Variants in CNTN5 observed in about 807,000 individuals in gnomAD.
CNTN5 encodes contactin 5.
A neutral mutation model predicts 129.1 loss-of-function variants in CNTN5; 77 were observed. The ratio of observed to expected loss-of-function variants is 0.60; its 90% CI spans 0.50 to 0.72. The LOEUF is 0.72. CNTN5 is among the 30% of genes least tolerant of loss of function. The pLI, the probability that CNTN5 is intolerant of heterozygous loss-of-function variation, is 0.00. For synonymous variants in CNTN5, 509 were observed against 465.6 expected (o/e 1.09, Z -1.20); for missense variants, 1,478 against 1,328.8 (o/e 1.11, Z -1.75).
intron 3 of CNTN5, among the ~76,000 whole-genome samples, chr11:99,753,602 A>G (rs1944309251): frequency 6.8e-6 from 1 of 146,960 alleles, no homozygotes; most frequent in Non-Finnish European, 1.5e-5. Context: ...AAACTATCTC[A>G]GCAGCTCACA....
At position 99,703,254 on chromosome 11, in the gene CNTN5, A is replaced by G. The variant is rs777820964; in HGVS notation, c.56-116290A>G. 1.4e-4 allele frequency among the ~76,000 whole-genome samples: 10 copies of G among 69,762 alleles called. No individual in the cohort carries two copies. In the East Asian group the frequency reaches 4.7e-3, roughly 33 times the overall value. 45.8% of individuals were successfully genotyped at this position (69,762 alleles called of 152,430 possible). A position where few individuals can be genotyped will look rare whatever the true frequency, so the allele number is the denominator to read the frequency against. ...TTTTTTTTTTTTTTTTGCTTGTTTT[A>G]TGACAGTGTGCTTGCTTTCTAATCA... On this transcript the variant is annotated intron_variant, in intron 3 of 24. Transcript: ENST00000524871.
At chr11:99,289,284 G>T (rs1033991439) in intron 1 of CNTN5, among the ~76,000 whole-genome samples, 1 of 151,570 alleles carries the variant, frequency 6.6e-6, no homozygotes, top group Non-Finnish European at 1.5e-5. Flanking sequence ...TTTTATTGAA[G>T]CCATTTAAAT....
intron 1 of CNTN5, among the ~76,000 whole-genome samples, chr11:99,115,975 T>A (rs1858026448): frequency 6.6e-6 from 1 of 152,110 alleles, no homozygotes; most frequent in Non-Finnish European, 1.5e-5. Context: ...GGTGAAAAAA[T>A]ATGTTTCTGA....
At chr11:100,047,528 A>G (rs916931478) in intron 9 of CNTN5, among the ~76,000 whole-genome samples, 9 of 152,232 alleles carry the variant, frequency 5.9e-5, no homozygotes, top group African/African-American at 1.9e-4. Context: ...CAAAAAGAAT[A>G]TATGGACTAT....
At chr11:99,578,074 C>G (rs182096213) in intron 3 of CNTN5, among the ~76,000 whole-genome samples, 3 of 148,052 alleles carry the variant, frequency 2.0e-5, no homozygotes, top group Non-Finnish European at 4.4e-5. Context: ...TGAGAACATG[C>G]GGTGTTTGGT....
chr11:99,629,896 TA>T (rs1196916003), intron 3 of CNTN5, among the ~76,000 whole-genome samples: 1 of 151,736 alleles, frequency 6.6e-6, no homozygotes, highest in Non-Finnish European at 1.5e-5. Flanking sequence ...AAATATTTGA[TA>T]AAAATAATAC....
At chr11:99,984,036 G>A (rs1938516686) in intron 8 of CNTN5, among the ~76,000 whole-genome samples, 1 of 152,188 alleles carries the variant, frequency 6.6e-6, no homozygotes, top group Admixed American at 6.5e-5. Flanking sequence ...GGGAGGCTGA[G>A]GCAGGCAGAT....
At chr11:99,919,732 C>T (rs1949888439) in intron 7 of CNTN5, among the ~76,000 whole-genome samples, 1 of 152,038 alleles carries the variant, frequency 6.6e-6, no homozygotes, top group Non-Finnish European at 1.5e-5. Flanking sequence ...CATTCAATCC[C>T]TCTCCTACTC....
intron 2 of CNTN5, among the ~76,000 whole-genome samples, chr11:99,487,843 C>A (rs1227144168): frequency 6.6e-6 from 1 of 152,190 alleles, no homozygotes; most frequent in African/African-American, 2.4e-5. Flanking sequence ...AGAATAAGTT[C>A]TCTCCCAGTC....
intron 8 of CNTN5, among the ~76,000 whole-genome samples, chr11:99,977,073 A>G (rs77199232): frequency 0.069 from 10,545 of 152,294 alleles, 767 homozygotes; most frequent in East Asian, 0.31. Context: ...TCCACCAGGT[A>G]TTCTAAATAA....
chr11:99,652,220 T>A (rs1269132463), intron 3 of CNTN5, among the ~76,000 whole-genome samples: 1 of 152,002 alleles, frequency 6.6e-6, no homozygotes, highest in Non-Finnish European at 1.5e-5. Context: ...TCAGCCAGAG[T>A]GACTTTCACC....
At position 99,845,084 on chromosome 11, in the gene CNTN5, A is replaced by T; in HGVS notation, c.402-3A>T. 5 of 1,612,794 alleles carry T rather than the reference A, an allele frequency of 3.1e-6. No homozygotes were observed. Among genetic ancestry groups the T allele is most frequent in the Non-Finnish European group, 4.2e-6 (5 of 1,179,374 alleles). On this transcript the variant is annotated splice_region_variant and splice_polypyrimidine_tract_variant and intron_variant, in intron 5 of 24. Coordinates refer to ENST00000524871, the MANE Select transcript of CNTN5 (RefSeq NM_014361.4). ...CATATTTGTCTTCTGATTTTTTCCT[A>T]AGATGGCTTCGAAATGGAACAGAAA...
chr11:99,808,702 A>G (rs1207812196), intron 3 of CNTN5, among the ~76,000 whole-genome samples: 2 of 152,174 alleles, frequency 1.3e-5, no homozygotes, highest in Non-Finnish European at 2.9e-5. Context: ...TATTTCCAAT[A>G]TCCATATTCC....
At chr11:99,809,377 G>T (rs1040957667) in intron 3 of CNTN5, among the ~76,000 whole-genome samples, 1 of 152,068 alleles carries the variant, frequency 6.6e-6, no homozygotes, top group African/African-American at 2.4e-5. Flanking sequence ...ACTCCTTGAA[G>T]GCAAAGATTG....
chr11:99,431,565 T>C (rs1943371740), intron 2 of CNTN5, among the ~76,000 whole-genome samples: 2 of 152,124 alleles, frequency 1.3e-5, no homozygotes, highest in South Asian at 4.1e-4. Flanking sequence ...ATTGTCATGT[T>C]GGTTTGGGCA....
intron 2 of CNTN5, among the ~76,000 whole-genome samples, chr11:99,469,798 G>A (rs533201547): frequency 2.7e-4 from 41 of 151,846 alleles, no homozygotes; most frequent in African/African-American, 9.2e-4. Flanking sequence ...GTACCTTTAA[G>A]CAAATCTCAA....
At chr11:99,644,790 C>T (rs1001527475) in intron 3 of CNTN5, among the ~76,000 whole-genome samples, 2 of 151,926 alleles carry the variant, frequency 1.3e-5, no homozygotes, top group African/African-American at 4.8e-5. Context: ...TGTTTTTATT[C>T]TGATACTCAA....
chr11:99,602,271 T>C (rs1161203077), intron 3 of CNTN5, among the ~76,000 whole-genome samples: 1 of 152,118 alleles, frequency 6.6e-6, no homozygotes, highest in African/African-American at 2.4e-5. Flanking sequence ...TCTTGATTAT[T>C]TACTTTATTG....
At chr11:99,528,237 A>G (rs1330780030) in intron 2 of CNTN5, among the ~76,000 whole-genome samples, 2 of 152,220 alleles carry the variant, frequency 1.3e-5, no homozygotes, top group Admixed American at 6.5e-5. Context: ...GAAACATACA[A>G]AAGCACAACA....
Sources: allele counts gnomAD v4.1 joint callset (sites outside exome capture counted in the v4.1 genomes callset), GRCh38; gene constraint gnomAD v4.1.1; transcripts MANE v1.5; gene names NCBI Gene and HGNC (gene_info 2026-07-23, HGNC 2026-07-21).